DNAJC1: variants seen among roughly 807,000 people sequenced by gnomAD.
DNAJC1 encodes DnaJ heat shock protein family (Hsp40) member C1.
Under a neutral mutation model 76.6 loss-of-function variants are expected in DNAJC1, and 58 were observed. The observed-to-expected ratio is 0.76, with a 90% confidence interval of 0.61 to 0.94. The LOEUF (loss-of-function observed/expected upper bound fraction) is 0.94, where lower values mean the gene tolerates loss of function less well. Among genes scored for constraint, DNAJC1 ranks in the 40% least tolerant of loss-of-function variants. DNAJC1 has a pLI of 0.00. For synonymous variants in DNAJC1, 258 were observed against 267.9 expected (o/e 0.96, Z 0.36); for missense variants, 689 against 677.3 (o/e 1.02, Z -0.19).
chr10:21,766,439 C>A (rs12241452), intron 9 of DNAJC1, 130 bp from the exon 10 acceptor site: 3 of 696,680 alleles, frequency 4.3e-6, no homozygotes, highest in South Asian at 3.4e-5. Flanking sequence ...GACCCTCAGT[C>A]GTCTGTCGCA....
intron 8 of DNAJC1, among the ~76,000 whole-genome samples, chr10:21,858,794 T>C (rs1835879807): frequency 6.6e-6 from 1 of 152,074 alleles, no homozygotes; most frequent in Non-Finnish European, 1.5e-5. Flanking sequence ...AGGAAGAAAA[T>C]ATTTTATTTT....
chr10:21,950,261 G>A (rs961585528), intron 1 of DNAJC1, among the ~76,000 whole-genome samples: 4 of 151,890 alleles, frequency 2.6e-5, no homozygotes, highest in East Asian at 1.9e-4. Flanking sequence ...GGTAACTCTC[G>A]CAACATTTCA....
chr10:21,920,969 G>A lies in DNAJC1; in HGVS notation c.372-6C>T. ...TGATCAGAATATCATCATACCTACA[G>A]TACAAATATAACAGTTTTTCACGGG... On this transcript the variant is annotated splice_region_variant and splice_polypyrimidine_tract_variant and intron_variant, in intron 3 of 11. Transcript: ENST00000376980. 6.4e-7 allele frequency: 1 copy of A among 1,556,642 alleles called. No homozygotes were observed. Among genetic ancestry groups the A allele is most frequent in the Non-Finnish European group, 8.7e-7 (1 of 1,147,430 alleles).
intron 6 of DNAJC1, 143 bp downstream of exon 6, chr10:21,918,636 T>C (rs1384820438): frequency 3.4e-6 from 2 of 585,518 alleles, no homozygotes; most frequent in South Asian, 2.4e-5. Flanking sequence ...CTAAATTAGG[T>C]TTAACTTATA....
At chr10:21,882,096 GTGAGC>G (rs1200232513) in intron 8 of DNAJC1, among the ~76,000 whole-genome samples, 181 bp downstream of exon 8, 2 of 152,190 alleles carry the variant, frequency 1.3e-5, no homozygotes, top group Admixed American at 1.3e-4. Context: ...AGAGCTTGCA[GTGAGC>G]TGAGATTGCG....
chr10:21,993,536 A>G (rs963467255), intron 1 of DNAJC1, among the ~76,000 whole-genome samples: 7 of 152,226 alleles, frequency 4.6e-5, no homozygotes, highest in African/African-American at 1.7e-4. Context: ...TTATGCCTAC[A>G]GTTGTGAAAA....
chr10:21,996,020 T>C (rs1838410747), intron 1 of DNAJC1, among the ~76,000 whole-genome samples: 1 of 152,214 alleles, frequency 6.6e-6, no homozygotes, highest in Non-Finnish European at 1.5e-5. Context: ...TTCATTAGTA[T>C]AGGGCCCATC....
At chr10:21,809,295 T>G (rs1332100681) in intron 8 of DNAJC1, among the ~76,000 whole-genome samples, 2 of 152,040 alleles carry the variant, frequency 1.3e-5, no homozygotes, top group East Asian at 3.8e-4. Flanking sequence ...TTTTATACTT[T>G]AATGACAAAA....
intron 8 of DNAJC1, among the ~76,000 whole-genome samples, chr10:21,872,753 A>G (rs1203587812): frequency 2.0e-5 from 3 of 152,204 alleles, no homozygotes; most frequent in African/African-American, 4.8e-5. Context: ...AGGAGAGAGC[A>G]GGTAAGAAAT....
At chr10:21,858,915 C>T (rs1300016027) in intron 8 of DNAJC1, among the ~76,000 whole-genome samples, 1 of 152,066 alleles carries the variant, frequency 6.6e-6, no homozygotes, top group Admixed American at 6.6e-5. Context: ...ATTGTTTCCA[C>T]AAAATATTGT....
chr10:21,855,017 A>G (rs1422731480), intron 8 of DNAJC1, among the ~76,000 whole-genome samples: 2 of 152,188 alleles, frequency 1.3e-5, no homozygotes, highest in Non-Finnish European at 2.9e-5. Context: ...ATAAAAATCT[A>G]CTTTAACCAT....
At chr10:21,837,822 A>G (rs1835492481) in intron 8 of DNAJC1, among the ~76,000 whole-genome samples, 2 of 119,594 alleles carry the variant, frequency 1.7e-5, no homozygotes, top group Non-Finnish European at 1.8e-5. Context: ...TCCGGGAGGG[A>G]GGTGGGGGGC....
intron 1 of DNAJC1, among the ~76,000 whole-genome samples, chr10:21,994,564 G>A (rs2131849978): frequency 6.6e-6 from 1 of 152,212 alleles, no homozygotes; most frequent in Non-Finnish European, 1.5e-5. Context: ...CGAGACAGGT[G>A]GATCACGAGG....
At chr10:21,826,237 C>CAAAAAAAATAAAA (rs779716280) in intron 8 of DNAJC1, among the ~76,000 whole-genome samples, 1 of 77,492 alleles carries the variant, frequency 1.3e-5, no homozygotes, top group Non-Finnish European at 2.3e-5. Context: ...AGACTTTGTC[C>CAAAAAAAATAAAA]AAAAAAAAAA....
At chr10:21,963,954 C>A (rs1047988222) in intron 1 of DNAJC1, among the ~76,000 whole-genome samples, 8 of 152,124 alleles carry the variant, frequency 5.3e-5, no homozygotes, top group Admixed American at 5.2e-4. Flanking sequence ...CTCTTAGGGA[C>A]CACAGGCCTT....
intron 8 of DNAJC1, among the ~76,000 whole-genome samples, chr10:21,839,369 A>G (rs983417706): frequency 6.6e-6 from 1 of 152,228 alleles, no homozygotes; most frequent in African/African-American, 2.4e-5. Context: ...CTAATTAAGA[A>G]GAAAAGACAG....
intron 1 of DNAJC1, among the ~76,000 whole-genome samples, chr10:21,961,153 A>C (rs945747499): frequency 2.6e-5 from 4 of 152,242 alleles, no homozygotes; most frequent in African/African-American, 9.6e-5. Context: ...CTGCTTGTGA[A>C]AAACAGTAAG....
chr10:21,843,529 G>A (rs959659096), intron 8 of DNAJC1, among the ~76,000 whole-genome samples: 6 of 151,752 alleles, frequency 4.0e-5, no homozygotes, highest in Non-Finnish European at 7.4e-5. Context: ...AAGTGGCTGG[G>A]AGTACAGGCA....
intron 1 of DNAJC1, among the ~76,000 whole-genome samples, chr10:21,993,969 T>A (rs977710799): frequency 5.3e-5 from 8 of 152,210 alleles, no homozygotes; most frequent in African/African-American, 1.9e-4. Flanking sequence ...TTTGCTCTAA[T>A]ACTTTCTACT....
Sources: gnomAD v4.1 joint callset for allele counts (sites outside exome capture counted in the v4.1 genomes callset) on GRCh38, gnomAD v4.1.1 for gene constraint, MANE v1.5 for transcripts, NCBI Gene and HGNC (gene_info 2026-07-23, HGNC 2026-07-21) for gene names.